Variants in TRIP4 observed in about 807,000 individuals in gnomAD.
TRIP4 encodes the protein activating signal cointegrator 1.
In TRIP4, 54 loss-of-function variants were observed where a neutral mutation model predicts 81.8. The ratio of observed to expected loss-of-function variants is 0.66; its 90% CI spans 0.53 to 0.83. The LOEUF is 0.83. Ranked by LOEUF, TRIP4 falls within the 40% of genes least tolerant of loss-of-function variation. The probability of loss-of-function intolerance (pLI) is 0.00; values close to 1 mark genes in which losing one functional copy is unlikely to be tolerated. For synonymous variants in TRIP4, 270 were observed against 242.8 expected, an observed-to-expected ratio of 1.11 and a Z score of -1.04; for missense variants, 662 against 683.6, an observed-to-expected ratio of 0.97 and a Z score of 0.35.
intron 9 of TRIP4, 24 bp from the exon 10 acceptor site, chr15:64,424,007 C>T (rs199719915): frequency 6.2e-7 from 1 of 1,612,242 alleles, no homozygotes; most frequent in South Asian, 1.1e-5. Flanking sequence ...TATATCCTTC[C>T]CACTAAATTT....
At chr15:64,390,813 T>C (rs923860314) in intron 1 of TRIP4, among the ~76,000 whole-genome samples, 1 of 151,666 alleles carries the variant, frequency 6.6e-6, no homozygotes, top group African/African-American at 2.4e-5. Flanking sequence ...GAGAATCGCT[T>C]GAACCCAGGA....
chr15:64,422,176 A>G (rs1892034102), intron 9 of TRIP4, among the ~76,000 whole-genome samples: 1 of 152,188 alleles, frequency 6.6e-6, no homozygotes, highest in South Asian at 2.1e-4. Flanking sequence ...ATGTGACTGT[A>G]GATTAGGCCA....
intron 8 of TRIP4, 43 bp downstream of exon 8, chr15:64,414,254 C>A: frequency 6.2e-7 from 1 of 1,608,524 alleles, no homozygotes; most frequent in Non-Finnish European, 8.5e-7. Context: ...AAGTTTGGCC[C>A]CAATTTTGCC....
chr15:64,409,646 A>G lies in TRIP4; in HGVS notation c.861A>G (p.Ser287=). Residue 287 remains serine (S), a synonymous_variant, in exon 7 of 13, where the codon TCA becomes TCG. Coordinates refer to ENST00000261884, the MANE Select transcript of TRIP4 (RefSeq NM_016213.5). ...IRRTQVIDDE[S]DYFASDSNQW... ...GGACCCAAGTCATTGATGATGAGTC[A>G]GATTACTTTGCCAGTGATTCTAACC... 6.2e-7 allele frequency: 1 copy of G among 1,614,220 alleles called. No individual in the cohort carries two copies. The highest frequency in any genetic ancestry group is 8.5e-7 in the Non-Finnish European group (1 of 1,180,028).
intron 11 of TRIP4, among the ~76,000 whole-genome samples, chr15:64,437,638 G>T (rs948575452): frequency 2.6e-5 from 4 of 151,612 alleles, no homozygotes; most frequent in African/African-American, 4.8e-5. Flanking sequence ...TATTACAGGC[G>T]CACGCCACCA....
chr15:64,399,864 C>T (rs1160366977), intron 4 of TRIP4, among the ~76,000 whole-genome samples: 1 of 150,926 alleles, frequency 6.6e-6, no homozygotes, highest in Non-Finnish European at 1.5e-5. Context: ...AATCCCAGCA[C>T]TTTGGAAGGC....
At chr15:64,440,382 A>G (rs1368833647) in intron 11 of TRIP4, among the ~76,000 whole-genome samples, 1 of 151,454 alleles carries the variant, frequency 6.6e-6, no homozygotes, top group African/African-American at 2.4e-5. Context: ...TGAGGATACA[A>G]TGTAAGTATA....
intron 1 of TRIP4, among the ~76,000 whole-genome samples, chr15:64,388,370 G>C (rs895484607): frequency 2.0e-5 from 3 of 152,130 alleles, no homozygotes; most frequent in Non-Finnish European, 2.9e-5. Context: ...GCGGTGGCGC[G>C]ATCTTGGCTC....
chr15:64,451,875 A>G (rs1193027372), intron 12 of TRIP4, among the ~76,000 whole-genome samples: 1 of 150,586 alleles, frequency 6.6e-6, no homozygotes, highest in Non-Finnish European at 1.5e-5. Context: ...CTGGTCTTGA[A>G]CTTCTGACCT....
At chr15:64,443,479 A>G (rs1892562302) in intron 11 of TRIP4, among the ~76,000 whole-genome samples, 1 of 152,204 alleles carries the variant, frequency 6.6e-6, no homozygotes, top group African/African-American at 2.4e-5. Context: ...TCTCTGTAGA[A>G]TTAGGTTTGG....
intron 1 of TRIP4, among the ~76,000 whole-genome samples, chr15:64,391,623 A>C (rs902288531): frequency 6.6e-6 from 1 of 152,058 alleles, no homozygotes; most frequent in Non-Finnish European, 1.5e-5. Flanking sequence ...TAAGTAGTTA[A>C]AATGACATTT....
At position 64,447,526 on chromosome 15, in the gene TRIP4, A is replaced by G. The variant is rs28633625; in HGVS notation, c.1678+2418A>G. ...AATCACAAAATGAAATGCTTAGAGTAGGAATTTATATTAATGTATATTTAC... is the reference window on the plus strand; with the variant it reads ...AATCACAAAATGAAATGCTTAGAGTGGGAATTTATATTAATGTATATTTAC... On this transcript the variant is annotated intron_variant, in intron 12 of 12. Coordinates refer to ENST00000261884, the MANE Select transcript of TRIP4 (RefSeq NM_016213.5). 6.7e-3 allele frequency among the ~76,000 whole-genome samples: 1,019 copies of G among 152,344 alleles called. 8 individuals carry two copies. Among genetic ancestry groups the G allele is most frequent in the African/African-American group, 0.022 (906 of 41,592 alleles).
intron 9 of TRIP4, among the ~76,000 whole-genome samples, chr15:64,419,839 A>G (rs565271521): frequency 2.6e-5 from 4 of 151,206 alleles, no homozygotes; most frequent in Non-Finnish European, 5.9e-5. Flanking sequence ...TTTTTGAGAC[A>G]GAGTCTTGCT....
At chr15:64,403,941 T>G (rs1246348699) in intron 5 of TRIP4, among the ~76,000 whole-genome samples, 1 of 151,974 alleles carries the variant, frequency 6.6e-6, no homozygotes, top group Admixed American at 6.6e-5. Context: ...CCTGTAATCC[T>G]AGCACTTTGA....
At chr15:64,441,759 C>T (rs1272567096) in intron 11 of TRIP4, among the ~76,000 whole-genome samples, 2 of 151,206 alleles carry the variant, frequency 1.3e-5, no homozygotes, top group East Asian at 2.0e-4. Context: ...GGCAACAGAG[C>T]GAGACTCCGT....
intron 6 of TRIP4, 74 bp from the exon 7 acceptor site, chr15:64,409,539 T>C (rs980505901): frequency 3.5e-6 from 5 of 1,419,574 alleles, no homozygotes; most frequent in Non-Finnish European, 4.9e-6. Flanking sequence ...TAAGTTACCT[T>C]GAAACTGTTT....
chr15:64,389,994 G>A (rs1369289786), intron 1 of TRIP4, among the ~76,000 whole-genome samples: 1 of 148,454 alleles, frequency 6.7e-6, no homozygotes, highest in African/African-American at 2.5e-5. Context: ...GAGCCACCAC[G>A]CCTGGCCCAA....
chr15:64,411,579 C>T (rs2080893586), intron 7 of TRIP4, among the ~76,000 whole-genome samples: 1 of 151,934 alleles, frequency 6.6e-6, no homozygotes, highest in Non-Finnish European at 1.5e-5. Flanking sequence ...CAAGACCAGC[C>T]TGGGCAACAT....
intron 6 of TRIP4, among the ~76,000 whole-genome samples, chr15:64,407,814 C>A (rs73454569): frequency 0.05 from 7,521 of 151,678 alleles, 211 homozygotes; most frequent in African/African-American, 0.08. Context: ...AGACCAATTT[C>A]CACCAGGCAC....
Sources: allele counts gnomAD v4.1 joint callset (sites outside exome capture counted in the v4.1 genomes callset), GRCh38; gene constraint gnomAD v4.1.1; transcripts MANE v1.5; gene names NCBI Gene and HGNC (gene_info 2026-07-23, HGNC 2026-07-21).